AIG1: variants seen among roughly 807,000 people sequenced by gnomAD.
The protein encoded by AIG1 is androgen induced 1, also known as androgen-induced gene 1 protein.
In AIG1, 23 loss-of-function variants were observed where a neutral mutation model predicts 31.4. The observed-to-expected ratio is 0.73, with a 90% CI of 0.53 to 1.04. AIG1 has a LOEUF of 1.04. Ranked by LOEUF, AIG1 falls within the 50% of genes least tolerant of loss-of-function variation. AIG1 has a pLI of 0.00. For missense variants in AIG1, 274 were observed against 295.0 expected (o/e 0.93, Z 0.52); for synonymous variants, 100 against 110.5 (o/e 0.90, Z 0.60).
At chr6:143,177,927 A>ATGTG (rs1788325946) in intron 3 of AIG1, among the ~76,000 whole-genome samples, 1 of 152,092 alleles carries the variant, frequency 6.6e-6, no homozygotes, top group Non-Finnish European at 1.5e-5. Flanking sequence ...CCTGGAGGGC[A>ATGTG]TGTGTGGGTG....
intron 3 of AIG1, among the ~76,000 whole-genome samples, chr6:143,234,339 A>G (rs1219193664): frequency 1.3e-5 from 2 of 152,228 alleles, no homozygotes; most frequent in East Asian, 1.9e-4. Flanking sequence ...AATTGCAACA[A>G]TGAGATTGAC....
chr6:143,188,911 C>A, intron 3 of AIG1: 3 of 984,508 alleles, frequency 3.0e-6, no homozygotes, highest in Non-Finnish European at 3.6e-6. Context: ...AAAATTAATG[C>A]GTTTTTTTCT....
chr6:143,199,530 A>G (rs1301060225), intron 3 of AIG1, among the ~76,000 whole-genome samples: 4 of 152,184 alleles, frequency 2.6e-5, no homozygotes, highest in Admixed American at 1.3e-4. Flanking sequence ...AACAAAAATA[A>G]TTTTTGGCTG....
intron 1 of AIG1, among the ~76,000 whole-genome samples, chr6:143,105,642 A>G (rs1201196855): frequency 6.6e-6 from 1 of 152,252 alleles, no homozygotes; most frequent in Non-Finnish European, 1.5e-5. Flanking sequence ...GTTTTAGGTT[A>G]GGGGATGTAT....
intron 3 of AIG1, among the ~76,000 whole-genome samples, chr6:143,253,395 C>T (rs760416586): frequency 1.3e-5 from 2 of 152,216 alleles, no homozygotes; most frequent in Non-Finnish European, 2.9e-5. Flanking sequence ...AACCAAATCC[C>T]TCTAACCAAC....
intron 3 of AIG1, among the ~76,000 whole-genome samples, chr6:143,227,324 T>C (rs1424630650): frequency 6.6e-6 from 1 of 152,114 alleles, no homozygotes; most frequent in Non-Finnish European, 1.5e-5. Flanking sequence ...CAGGGTCCTG[T>C]GTGGAGTATG....
intron 1 of AIG1, among the ~76,000 whole-genome samples, chr6:143,089,216 G>GA (rs67109487): frequency 0.12 from 16,715 of 134,536 alleles, 1,553 homozygotes; most frequent in East Asian, 0.44. Flanking sequence ...CTCAAAAAAA[G>GA]AAAAAAAAAA....
intron 3 of AIG1, among the ~76,000 whole-genome samples, chr6:143,221,685 A>C (rs149986397): frequency 6.6e-6 from 1 of 152,058 alleles, no homozygotes; most frequent in South Asian, 2.1e-4. Flanking sequence ...CATTTTCTTC[A>C]TTTCATCCTT....
chr6:143,131,205 C>A (rs562309010), intron 1 of AIG1, among the ~76,000 whole-genome samples: 7 of 152,058 alleles, frequency 4.6e-5, no homozygotes, highest in Non-Finnish European at 1.0e-4. Flanking sequence ...TTTTAGTTTT[C>A]TTTTTGTTCC....
At position 143,084,874 on chromosome 6, in the gene AIG1, T is replaced by TG. The variant is rs1330839457; in HGVS notation, c.141+23808_141+23809insG. ...TTCTGATTCTGCATCCTAATGAGGG[T>TG]CTACACTGGGAAGTGCTTGCTGGCC... On this transcript the variant is annotated intron_variant, in intron 1 of 5. Coordinates refer to ENST00000357847, the MANE Select transcript of AIG1 (RefSeq NM_016108.4). Among the ~76,000 whole-genome samples the TG allele has an allele frequency of 2.6e-5, 4 of 152,164 alleles. No individual in the cohort carries two copies. The East Asian group carries it at 7.7e-4, about 29-fold the overall frequency.
chr6:143,185,427 A>T (rs1266826259), intron 3 of AIG1, among the ~76,000 whole-genome samples: 1 of 152,092 alleles, frequency 6.6e-6, no homozygotes, highest in Non-Finnish European at 1.5e-5. Context: ...CACACTGTAC[A>T]GCCCCTGCAC....
intron 3 of AIG1, among the ~76,000 whole-genome samples, chr6:143,281,329 T>TG (rs1240236730): frequency 6.6e-6 from 1 of 152,230 alleles, no homozygotes; most frequent in Non-Finnish European, 1.5e-5. Flanking sequence ...AAATATTGAC[T>TG]GAGTACCTCT....
At chr6:143,226,964 C>G (rs1252611924) in intron 3 of AIG1, among the ~76,000 whole-genome samples, 4 of 143,910 alleles carry the variant, frequency 2.8e-5, no homozygotes, top group Non-Finnish European at 6.1e-5. Flanking sequence ...TATAAACTTT[C>G]TTAAAACATT....
At chr6:143,225,092 A>G (rs190279581) in intron 3 of AIG1, among the ~76,000 whole-genome samples, 70 of 152,132 alleles carry the variant, frequency 4.6e-4, no homozygotes, top group Admixed American at 4.5e-3. Context: ...GGCAAACTCT[A>G]CCATTTCCCA....
At chr6:143,310,340 A>T (rs1197291337) in intron 4 of AIG1, among the ~76,000 whole-genome samples, 1 of 151,944 alleles carries the variant, frequency 6.6e-6, no homozygotes, top group Admixed American at 6.5e-5. Context: ...TAAAAGAAAA[A>T]TGGCTAGAAA....
At chr6:143,286,086 C>T (rs1382476615) in intron 4 of AIG1, among the ~76,000 whole-genome samples, 1 of 143,776 alleles carries the variant, frequency 7.0e-6, no homozygotes, top group East Asian at 2.2e-4. Flanking sequence ...AAGGCAAGTT[C>T]TTTACTCTGG....
At chr6:143,182,656 C>A (rs1788844495) in intron 3 of AIG1, among the ~76,000 whole-genome samples, 1 of 152,226 alleles carries the variant, frequency 6.6e-6, no homozygotes, top group Non-Finnish European at 1.5e-5. Flanking sequence ...TGTGGTTTTG[C>A]TTATATGTTA....
intron 2 of AIG1, among the ~76,000 whole-genome samples, chr6:143,147,139 C>A (rs955871583): frequency 1.3e-5 from 2 of 152,082 alleles, no homozygotes; most frequent in African/African-American, 2.4e-5. Context: ...CTTGATTTAC[C>A]CATAGCAACA....
chr6:143,283,959 A>G, intron 3 of AIG1, 151 bp from the exon 4 acceptor site: 1 of 490,126 alleles, frequency 2.0e-6, no homozygotes, highest in Non-Finnish European at 3.6e-6. Context: ...ATGTGGTTTT[A>G]CGTCCATTCT....
Sources: gnomAD v4.1 joint callset for allele counts (sites outside exome capture counted in the v4.1 genomes callset) on GRCh38, gnomAD v4.1.1 for gene constraint, MANE v1.5 for transcripts, NCBI Gene and HGNC (gene_info 2026-07-23, HGNC 2026-07-21) for gene names.